The following STXBP4 variants were observed in gnomAD, a reference collection of about 807,000 sequenced individuals.
STXBP4 encodes the protein syntaxin-binding protein 4.
STXBP4 carries 55 observed loss-of-function variants against 76.1 expected under a neutral mutation model. The observed-to-expected ratio is 0.72, with a 90% CI of 0.58 to 0.91. STXBP4 has a LOEUF of 0.91. Among genes scored for constraint, STXBP4 ranks in the 40% least tolerant of loss-of-function variants. STXBP4 has a pLI of 0.00. For synonymous variants in STXBP4, 201 were observed against 220.2 expected (o/e 0.91, Z 0.77); for missense variants, 618 against 636.9 (o/e 0.97, Z 0.32).
At chr17:55,000,312 C>G in intron 6 of STXBP4, 1 of 961,886 alleles carries the variant, frequency 1.0e-6, no homozygotes. Context: ...AGTAGAATCA[C>G]ACAAAATGGG....
At chr17:55,135,147 A>G (rs2080014716) in intron 16 of STXBP4, among the ~76,000 whole-genome samples, 1 of 152,172 alleles carries the variant, frequency 6.6e-6, no homozygotes, top group Non-Finnish European at 1.5e-5. Flanking sequence ...TATGTTGGCA[A>G]AAAGAAATAG....
chr17:54,970,489 C>A (rs1049233413), intron 1 of STXBP4, among the ~76,000 whole-genome samples: 1 of 152,184 alleles, frequency 6.6e-6, no homozygotes, highest in Non-Finnish European at 1.5e-5. Context: ...CTTCTGACTT[C>A]TTTCTATACT....
chr17:55,109,259 G>A (rs1166299548), intron 16 of STXBP4, among the ~76,000 whole-genome samples: 1 of 151,998 alleles, frequency 6.6e-6, no homozygotes, highest in Non-Finnish European at 1.5e-5. Flanking sequence ...CACTTTTTCA[G>A]AATAGTTGAG....
chr17:54,991,082 A>C (rs1209325880), intron 4 of STXBP4, 125 bp downstream of exon 4: 1 of 1,072,352 alleles, frequency 9.3e-7, no homozygotes, highest in African/African-American at 1.6e-5. Flanking sequence ...AAAAATACAA[A>C]GGAATTAGAA....
chr17:55,144,292 G>C (rs1249263265), intron 17 of STXBP4, among the ~76,000 whole-genome samples: 1 of 152,128 alleles, frequency 6.6e-6, no homozygotes, highest in African/African-American at 2.4e-5. Context: ...AAGGAATGGG[G>C]TGTTTGGCAT....
At chr17:55,117,035 A>T (rs920947935) in intron 16 of STXBP4, among the ~76,000 whole-genome samples, 9 of 151,846 alleles carry the variant, frequency 5.9e-5, no homozygotes, top group Non-Finnish European at 1.2e-4. Flanking sequence ...ATTTCTCAGG[A>T]GGTAAATATT....
At position 55,145,677 on chromosome 17, in the gene STXBP4, G is replaced by A. The variant is rs533750230; in HGVS notation, c.1547+4310G>A. 1.8e-4 allele frequency among the ~76,000 whole-genome samples: 28 copies of A among 152,216 alleles called. No individual in the cohort carries two copies. The East Asian group carries it at 4.6e-3, about 25-fold the overall frequency. ...AACAAATTTGATCAGTGTTGGCATCGCTACAGCCAGTGTTTCATAGAATTA... is the reference window on the plus strand; with the variant it reads ...AACAAATTTGATCAGTGTTGGCATCACTACAGCCAGTGTTTCATAGAATTA... On this transcript the variant is annotated intron_variant, in intron 17 of 17. Coordinates refer to ENST00000376352, the MANE Select transcript of STXBP4 (RefSeq NM_178509.6).
At chr17:55,106,055 A>G (rs2079630966) in intron 16 of STXBP4, among the ~76,000 whole-genome samples, 2 of 151,950 alleles carry the variant, frequency 1.3e-5, no homozygotes, top group African/African-American at 4.8e-5. Flanking sequence ...TGAGAGTGGG[A>G]TGTTAAAGTC....
the STXBP4 span, among the ~76,000 whole-genome samples, chr17:55,188,884 G>A: frequency 2.0e-5 from 3 of 152,178 alleles, no homozygotes; most frequent in African/African-American, 4.8e-5. Flanking sequence ...CTGAACTGCA[G>A]AATTGGTTGC....
intron 6 of STXBP4, 75 bp downstream of exon 6, chr17:54,999,917 A>T: frequency 1.0e-6 from 1 of 959,300 alleles, no homozygotes; most frequent in Non-Finnish European, 1.5e-6. Context: ...TTGGTTATGT[A>T]CATATAGAAT....
chr17:55,028,300 TA>T lies in STXBP4; in HGVS notation c.667-2861del, dbSNP rs201514026. 4.7e-3 allele frequency among the ~76,000 whole-genome samples: 720 copies of T among 152,226 alleles called. 3 individuals carry two copies. Among genetic ancestry groups the T allele is most frequent in the African/African-American group, 0.016 (679 of 41,568 alleles). On this transcript the variant is annotated intron_variant, in intron 8 of 17. Coordinates refer to ENST00000376352, the MANE Select transcript of STXBP4 (RefSeq NM_178509.6). Reference sequence around the variant, plus strand: ...AATGATTATCAGAAGGAGAATGCTTTAAAAAAAGTTCACTTCAGACAGTGTA... The same window carrying T: ...AATGATTATCAGAAGGAGAATGCTTTAAAAAAGTTCACTTCAGACAGTGTA...
the STXBP4 span, among the ~76,000 whole-genome samples, chr17:55,199,473 C>A: frequency 4.0e-4 from 61 of 152,260 alleles, no homozygotes; most frequent in East Asian, 7.5e-3. Flanking sequence ...TCCTGTTTCT[C>A]GATTCTGAAA....
At chr17:55,101,333 C>T (rs983725603) in intron 16 of STXBP4, among the ~76,000 whole-genome samples, 5 of 152,134 alleles carry the variant, frequency 3.3e-5, no homozygotes, top group Non-Finnish European at 5.9e-5. Context: ...ACCCCTTTGA[C>T]ACTTTTCTAT....
chr17:55,167,246 A>C lies in STXBP4; in HGVS notation c.*7335A>C, dbSNP rs950999236. ...ACTGTGAGTCCTTTATTACTGACTC[A>C]GAGTCCATATATTATTTTTTATTTC... is the stretch of plus-strand genomic sequence containing the variant. On this transcript the variant is annotated 3_prime_UTR_variant, in exon 18 of 18. Coordinates refer to ENST00000376352, the MANE Select transcript of STXBP4 (RefSeq NM_178509.6). 1 of 152,234 alleles carries C rather than the reference A, an allele frequency of 6.6e-6. No individual in the cohort carries two copies. Among genetic ancestry groups the C allele is most frequent in the Non-Finnish European group, 1.5e-5 (1 of 68,036 alleles). The allele number at this position is 152,234 out of a possible 1,614,324, so 9.4% of individuals were successfully genotyped here. A position where few individuals can be genotyped will look rare whatever the true frequency, so the allele number is the denominator to read the frequency against.
At chr17:55,026,063 G>A (rs1176496868) in intron 8 of STXBP4, among the ~76,000 whole-genome samples, 2 of 152,124 alleles carry the variant, frequency 1.3e-5, no homozygotes, top group East Asian at 3.8e-4. Context: ...AAAAAGAAGT[G>A]CAAGACATAT....
At position 54,986,286 on chromosome 17, in the gene STXBP4, T is replaced by C. The variant is rs1193524198; in HGVS notation, c.47+20T>C. 1 of 1,524,094 alleles carries C rather than the reference T, an allele frequency of 6.6e-7. No individual in the cohort carries two copies. Among genetic ancestry groups the C allele is most frequent in the Admixed American group, 1.9e-5 (1 of 53,190 alleles). 94.4% of individuals were successfully genotyped at this position (1,524,094 alleles called of 1,614,324 possible). The stretch of plus-strand genomic sequence containing the variant: ...TGAAAAGTAATTTTTAAGTTTAATA[T>C]GTTTTGAAATATAGTTTGAAATATG... On this transcript the variant is annotated intron_variant, in intron 3 of 17. Transcript: ENST00000376352.
chr17:55,068,660 A>C (rs2079082977), intron 12 of STXBP4, among the ~76,000 whole-genome samples: 1 of 152,132 alleles, frequency 6.6e-6, no homozygotes, highest in African/African-American at 2.4e-5. Context: ...ATATTTTTTC[A>C]AGGTAAGAAA....
In STXBP4 at chr17:54,999,834, T is replaced by A. The variant is rs1354197369; in HGVS notation, c.490T>A (p.Ser164Thr). The A allele has an allele frequency of 6.2e-7, 1 of 1,608,356 alleles. No individual in the cohort carries two copies. Among genetic ancestry groups the A allele is most frequent in the South Asian group, 1.1e-5 (1 of 90,574 alleles). ...TPKTNNDILS[S>T]CEIKTGYNKT... ...CAAAACAAATAATGACATTTTATCT[T>A]CTTGTGAGGTAAGTCAGGTAATCTT... Residue 164 changes from serine to threonine, a missense_variant, in exon 6 of 18, where the codon TCT (serine) becomes ACT (threonine). Ser to Thr is a moderately conservative substitution (Grantham distance 58). Transcript: ENST00000376352.
chr17:55,185,320 TCTCCTTCTCCTC>T, the STXBP4 span, among the ~76,000 whole-genome samples: 7 of 78,932 alleles, frequency 8.9e-5, no homozygotes, highest in Non-Finnish European at 2.7e-5. Context: ...TCCTTCTCCT[TCTCCTTCTCCTC>T]CTCCTCCTCC....
Sources: gnomAD v4.1 joint callset for allele counts (sites outside exome capture counted in the v4.1 genomes callset) on GRCh38, gnomAD v4.1.1 for gene constraint, MANE v1.5 for transcripts, NCBI Gene and HGNC (gene_info 2026-07-23, HGNC 2026-07-21) for gene names.